The following GNA14 variants were observed in gnomAD, a reference collection of about 807,000 sequenced individuals.
The protein encoded by GNA14 is G protein subunit alpha 14.
In GNA14, 50 loss-of-function variants were observed where a neutral mutation model predicts 42.0. The observed-to-expected ratio is 1.19, with a 90% CI of 0.95 to 1.51. The LOEUF (loss-of-function observed/expected upper bound fraction) is 1.51. GNA14 is among the 40% of genes most tolerant of loss of function. The pLI is 0.00. For missense variants in GNA14, 473 were observed against 446.2 expected, an observed-to-expected ratio of 1.06 and a Z score of -0.54; for synonymous variants, 173 against 163.1, an observed-to-expected ratio of 1.06 and a Z score of -0.46.
rs146538516 is a variant in GNA14 at position 77,560,996 on chromosome 9, G to A, written c.125-31743C>T. Among the ~76,000 whole-genome samples, 1,010 of 152,226 alleles carry A rather than the reference G, an allele frequency of 6.6e-3. 13 individuals are homozygous for A. Among genetic ancestry groups the A allele is most frequent in the African/African-American group, 0.022 (926 of 41,530 alleles). ...ATGGAAATGTAGACCACATAAGACC[G>A]TCCTCTTCAGACAAGTCTCTTGGCC... On this transcript the variant is annotated intron_variant, in intron 1 of 6. Coordinates refer to ENST00000341700, the MANE Select transcript of GNA14 (RefSeq NM_004297.4).
chr9:77,541,735 T>C (rs1219934695), intron 1 of GNA14, among the ~76,000 whole-genome samples: 1 of 151,100 alleles, frequency 6.6e-6, no homozygotes, highest in African/African-American at 2.5e-5. Context: ...CTTTCTTTTT[T>C]CTTTTTTTCT....
chr9:77,467,356 G>A (rs1464942366), intron 2 of GNA14, among the ~76,000 whole-genome samples: 1 of 151,820 alleles, frequency 6.6e-6, no homozygotes, highest in African/African-American at 2.4e-5. Flanking sequence ...TATGTGGCTT[G>A]GAGAATGCTT....
intron 1 of GNA14, among the ~76,000 whole-genome samples, chr9:77,642,679 GA>G (rs1824286825): frequency 6.6e-6 from 1 of 152,126 alleles, no homozygotes; most frequent in Admixed American, 6.5e-5. Context: ...TGAGGCAGGA[GA>G]ATCACTTGAA....
At chr9:77,506,631 C>A (rs1837075634) in intron 2 of GNA14, among the ~76,000 whole-genome samples, 1 of 152,024 alleles carries the variant, frequency 6.6e-6, no homozygotes. Context: ...GAGCCGAGAT[C>A]AGGCCACTAC....
intron 5 of GNA14, among the ~76,000 whole-genome samples, chr9:77,426,575 A>G (rs1374460652): frequency 6.6e-6 from 1 of 152,206 alleles, no homozygotes; most frequent in Non-Finnish European, 1.5e-5. Flanking sequence ...AAGTGCTGGG[A>G]TTACAGGCAT....
intron 2 of GNA14, among the ~76,000 whole-genome samples, chr9:77,451,823 C>T (rs1835906465): frequency 6.6e-6 from 1 of 152,194 alleles, no homozygotes; most frequent in South Asian, 2.1e-4. Context: ...TGCAAAGTGT[C>T]TCTCTCCTCA....
intron 1 of GNA14, among the ~76,000 whole-genome samples, chr9:77,565,541 T>A (rs1822954582): frequency 6.6e-6 from 1 of 152,226 alleles, no homozygotes; most frequent in African/African-American, 2.4e-5. Flanking sequence ...CACTGCAACC[T>A]CTGCCTCCTG....
intron 1 of GNA14, among the ~76,000 whole-genome samples, chr9:77,585,365 T>C (rs1823287103): frequency 6.6e-6 from 1 of 152,192 alleles, no homozygotes; most frequent in Non-Finnish European, 1.5e-5. Context: ...AATTTATATC[T>C]ACAAAGAAAA....
rs187446088 is a variant in GNA14 at position 77,629,153 on chromosome 9, G to C, written c.124+18517C>G. Reference sequence around the variant, plus strand: ...AAGCTCATCACCACTGGTCATTAGAGAAATGCAAATCAAAACCACAATGAG... The same window carrying C: ...AAGCTCATCACCACTGGTCATTAGACAAATGCAAATCAAAACCACAATGAG... On this transcript the variant is annotated intron_variant, in intron 1 of 6. Transcript: ENST00000341700. 1.5e-3 allele frequency among the ~76,000 whole-genome samples: 223 copies of C among 152,300 alleles called. 5 individuals carry two copies. Among genetic ancestry groups the C allele is most frequent in the Admixed American group, 0.014 (218 of 15,300 alleles).
At chr9:77,581,136 T>C (rs966589514) in intron 1 of GNA14, among the ~76,000 whole-genome samples, 1 of 152,146 alleles carries the variant, frequency 6.6e-6, no homozygotes. Context: ...CATAGACTTT[T>C]TGCAGGGTGT....
At chr9:77,486,901 T>C (rs184840552) in intron 2 of GNA14, among the ~76,000 whole-genome samples, 1 of 152,230 alleles carries the variant, frequency 6.6e-6, no homozygotes, top group East Asian at 1.9e-4. Flanking sequence ...GTGAAAAGGT[T>C]TGAAATATTG....
chr9:77,619,520 G>A lies in GNA14; in HGVS notation c.124+28150C>T, dbSNP rs569137454. Among the ~76,000 whole-genome samples the A allele has an allele frequency of 2.7e-4, 41 of 152,158 alleles. No homozygotes were observed. In the South Asian group the frequency reaches 6.2e-3, roughly 23 times the overall value. ...CTGGCCGAATGAGATATTTACCAAG[G>A]GCAGCAGTAGGGAACAGTAAGAGCA... On this transcript the variant is annotated intron_variant, in intron 1 of 6. Transcript: ENST00000341700.
intron 1 of GNA14, among the ~76,000 whole-genome samples, chr9:77,597,601 A>G (rs998312725): frequency 1.3e-5 from 2 of 151,614 alleles, no homozygotes; most frequent in African/African-American, 2.4e-5. Flanking sequence ...TCGTCTTGGT[A>G]TTAGGTTGGT....
At chr9:77,540,441 T>C (rs566689884) in intron 1 of GNA14, among the ~76,000 whole-genome samples, 20 of 152,282 alleles carry the variant, frequency 1.3e-4, no homozygotes, top group Admixed American at 1.0e-3. Flanking sequence ...AGAATGTATA[T>C]TCTATAGTTG....
rs111607292 is a variant in GNA14 at position 77,558,925 on chromosome 9, A to ACC, written c.125-29673_125-29672insGG. ...ACTGAAAAAAGGTGTTAAAAAACAA[A>ACC]AAACAAAAAAAAAAACAAAAAACAA... On this transcript the variant is annotated intron_variant, in intron 1 of 6. Transcript: ENST00000341700. Among the ~76,000 whole-genome samples, 5 of 146,780 alleles carry ACC rather than the reference A, an allele frequency of 3.4e-5. No individual in the cohort carries two copies. In the South Asian group the frequency reaches 8.6e-4, roughly 25 times the overall value.
At chr9:77,587,231 A>G (rs1823320332) in intron 1 of GNA14, among the ~76,000 whole-genome samples, 1 of 152,194 alleles carries the variant, frequency 6.6e-6, no homozygotes, top group South Asian at 2.1e-4. Flanking sequence ...GTTATGGAAA[A>G]TAGTTTGGCA....
chr9:77,506,623 G>T (rs1466805623), intron 2 of GNA14, among the ~76,000 whole-genome samples: 1 of 151,982 alleles, frequency 6.6e-6, no homozygotes. Flanking sequence ...GTTGCAGTGA[G>T]CCGAGATCAG....
chr9:77,431,024 T>G (rs1281743760), intron 4 of GNA14, among the ~76,000 whole-genome samples: 2 of 101,466 alleles, frequency 2.0e-5, no homozygotes, highest in Admixed American at 9.1e-5. Flanking sequence ...AAGTATACAT[T>G]TGTGTGTGTG....
At chr9:77,604,103 A>T (rs943119536) in intron 1 of GNA14, among the ~76,000 whole-genome samples, 1 of 152,144 alleles carries the variant, frequency 6.6e-6, no homozygotes, top group African/African-American at 2.4e-5. Context: ...TTTTGTAAAT[A>T]TAAGACTTCA....
Sources: allele counts gnomAD v4.1 joint callset (sites outside exome capture counted in the v4.1 genomes callset), GRCh38; gene constraint gnomAD v4.1.1; transcripts MANE v1.5; gene names NCBI Gene and HGNC (gene_info 2026-07-23, HGNC 2026-07-21).